EPHA6: variants seen among roughly 807,000 people sequenced by gnomAD.
EPHA6 encodes ephrin type-A receptor 6.
Under a neutral mutation model 112.0 loss-of-function variants are expected in EPHA6, and 50 were observed. The ratio of observed to expected loss-of-function variants is 0.45; its 90% confidence interval spans 0.36 to 0.56. The LOEUF (loss-of-function observed/expected upper bound fraction) is 0.56. Ranked by LOEUF, EPHA6 falls within the 20% of genes least tolerant of loss-of-function variation. EPHA6 has a pLI of 0.00. For synonymous variants in EPHA6, 529 were observed against 490.7 expected (o/e 1.08, Z -1.03); for missense variants, 1,280 against 1,417.4 (o/e 0.90, Z 1.56).
At chr3:97,412,208 G>C (rs1047693104) in intron 6 of EPHA6, among the ~76,000 whole-genome samples, 1 of 152,060 alleles carries the variant, frequency 6.6e-6, no homozygotes, top group African/African-American at 2.4e-5. Flanking sequence ...CTACTGCTCA[G>C]AGGGCTGGAA....
intron 3 of EPHA6, among the ~76,000 whole-genome samples, 194 bp downstream of exon 3, chr3:96,988,187 G>A (rs1162519447): frequency 2.0e-5 from 3 of 151,940 alleles, no homozygotes; most frequent in Admixed American, 2.0e-4. Flanking sequence ...TCAAAATGAC[G>A]ATTTATTAAA....
chr3:97,148,397 G>A (rs183080139), intron 3 of EPHA6, among the ~76,000 whole-genome samples: 6 of 152,146 alleles, frequency 3.9e-5, no homozygotes, highest in Admixed American at 3.3e-4. Flanking sequence ...CATTAAGCCC[G>A]GGAATTCAAG....
intron 3 of EPHA6, among the ~76,000 whole-genome samples, chr3:97,196,446 AAG>A (rs2077443947): frequency 6.6e-6 from 1 of 152,038 alleles, no homozygotes; most frequent in Non-Finnish European, 1.5e-5. Flanking sequence ...GTCTGTCTGA[AAG>A]ATCACATTTC....
chr3:97,568,842 C>G (rs1164914584), intron 11 of EPHA6, among the ~76,000 whole-genome samples: 2 of 152,120 alleles, frequency 1.3e-5, no homozygotes, highest in African/African-American at 4.8e-5. Context: ...TGACTTAACT[C>G]CAACAAGGAC....
intron 5 of EPHA6, among the ~76,000 whole-genome samples, chr3:97,368,797 G>A (rs113655188): frequency 1.8e-4 from 28 of 152,096 alleles, no homozygotes; most frequent in African/African-American, 6.5e-4. Flanking sequence ...TATATGCCAC[G>A]CACAGTCCCA....
Position 97,524,277 on chromosome 3 carries a change from A to G in EPHA6, c.2201-8081A>G, listed in dbSNP as rs187727953. ...CCAGAGGTTTTTCATTATAGTTATCATGAGGCTTGCATAAAATATCTTATA... is the reference window on the plus strand; with the variant it reads ...CCAGAGGTTTTTCATTATAGTTATCGTGAGGCTTGCATAAAATATCTTATA... On this transcript the variant is annotated intron_variant, in intron 10 of 17. Transcript: ENST00000389672. Among the ~76,000 whole-genome samples the G allele has an allele frequency of 5.3e-3, 804 of 152,086 alleles. 8 individuals carry two copies. The highest frequency in any genetic ancestry group is 0.018 in the African/African-American group (735 of 41,534).
intron 2 of EPHA6, among the ~76,000 whole-genome samples, chr3:96,985,164 A>G (rs1165540990): frequency 6.6e-6 from 1 of 152,050 alleles, no homozygotes; most frequent in African/African-American, 2.4e-5. Flanking sequence ...TGTAGACTGG[A>G]GCTGTTCCTA....
At chr3:97,412,108 C>T (rs2107128424) in intron 6 of EPHA6, among the ~76,000 whole-genome samples, 1 of 152,020 alleles carries the variant, frequency 6.6e-6, no homozygotes, top group East Asian at 1.9e-4. Flanking sequence ...ATGTTTTGAA[C>T]CCCATCAATA....
chr3:96,972,609 C>T (rs191270793), intron 2 of EPHA6, among the ~76,000 whole-genome samples: 2 of 152,170 alleles, frequency 1.3e-5, no homozygotes, highest in Non-Finnish European at 2.9e-5. Flanking sequence ...TAAATCAGAC[C>T]AGCCTTGCAG....
chr3:97,337,980 A>G (rs2108847883), intron 5 of EPHA6, among the ~76,000 whole-genome samples: 1 of 152,260 alleles, frequency 6.6e-6, no homozygotes, highest in South Asian at 2.1e-4. Context: ...TAACTCTCAG[A>G]TTTCCAAGTG....
intron 5 of EPHA6, among the ~76,000 whole-genome samples, chr3:97,332,674 C>T (rs1461978229): frequency 1.3e-5 from 2 of 151,946 alleles, no homozygotes; most frequent in Non-Finnish European, 2.9e-5. Flanking sequence ...AGTGTTTTGC[C>T]TGTGGATGCT....
intron 4 of EPHA6, among the ~76,000 whole-genome samples, chr3:97,227,375 C>G (rs1048482060): frequency 6.6e-6 from 1 of 152,074 alleles, no homozygotes; most frequent in Admixed American, 6.5e-5. Flanking sequence ...CATACACCCC[C>G]ACGCCCAGCT....
In EPHA6 at chr3:97,062,141, C is replaced by T. The variant is rs146493969; in HGVS notation, c.1114+74148C>T. Among the ~76,000 whole-genome samples the T allele has an allele frequency of 5.7e-3, 862 of 152,144 alleles. 10 individuals are homozygous for T. Among genetic ancestry groups the T allele is most frequent in the African/African-American group, 0.019 (797 of 41,520 alleles). On this transcript the variant is annotated intron_variant, in intron 3 of 17. Transcript: ENST00000389672. ...AGTATTATAGGAATACAGAGTGACA[C>T]ATTATGCAGCCTATAGTTGTGATAT...
chr3:96,868,104 G>A (rs1048546826), intron 2 of EPHA6, among the ~76,000 whole-genome samples: 1 of 151,376 alleles, frequency 6.6e-6, no homozygotes, highest in African/African-American at 2.4e-5. Context: ...AGTGGGTCAT[G>A]TTTTTACTTT....
At chr3:97,206,728 C>T (rs1343808065) in intron 3 of EPHA6, among the ~76,000 whole-genome samples, 1 of 152,016 alleles carries the variant, frequency 6.6e-6, no homozygotes, top group Non-Finnish European at 1.5e-5. Context: ...CTCATTATCT[C>T]TTCAGGGACT....
At chr3:97,378,311 T>C (rs1174597575) in intron 5 of EPHA6, among the ~76,000 whole-genome samples, 1 of 152,190 alleles carries the variant, frequency 6.6e-6, no homozygotes, top group Non-Finnish European at 1.5e-5. Flanking sequence ...TGGGAATCTC[T>C]GCCTAGATTT....
At chr3:97,085,674 T>C (rs2046870789) in intron 3 of EPHA6, among the ~76,000 whole-genome samples, 1 of 151,980 alleles carries the variant, frequency 6.6e-6, no homozygotes, top group African/African-American at 2.4e-5. Context: ...AATAGAGTAA[T>C]AGTATGAGGT....
intron 14 of EPHA6, among the ~76,000 whole-genome samples, chr3:97,708,439 T>C (rs2033793750): frequency 6.6e-6 from 1 of 152,212 alleles, no homozygotes; most frequent in Non-Finnish European, 1.5e-5. Flanking sequence ...TACAGTTATA[T>C]GTGTACACAA....
chr3:97,645,983 G>C, intron 14 of EPHA6: 1 of 528,244 alleles, frequency 1.9e-6, no homozygotes, highest in Non-Finnish European at 3.0e-6. Context: ...GTTTTGTGGG[G>C]CAGTTGTTGG....
Sources: allele counts gnomAD v4.1 joint callset (sites outside exome capture counted in the v4.1 genomes callset), GRCh38; gene constraint gnomAD v4.1.1; transcripts MANE v1.5; gene names NCBI Gene and HGNC (gene_info 2026-07-23, HGNC 2026-07-21).